Variants in ANGPT1 observed in about 807,000 individuals in gnomAD.
ANGPT1 encodes the protein angiopoietin 1, also known as angiopoietin-1.
ANGPT1 carries 17 observed loss-of-function variants against 62.2 expected under a neutral mutation model. The ratio of observed to expected loss-of-function variants is 0.27; its 90% confidence interval spans 0.19 to 0.41. ANGPT1 has a LOEUF of 0.41. ANGPT1 is among the 10% of genes least tolerant of loss of function. The probability of loss-of-function intolerance (pLI) is 1.00; values close to 1 mark genes in which losing one functional copy is unlikely to be tolerated. For missense variants in ANGPT1, 478 were observed against 594.9 expected (o/e 0.80, Z 2.04); for synonymous variants, 199 against 198.9 (o/e 1.00, Z 0.00).
chr8:107,332,186 T>C (rs1409100254), intron 3 of ANGPT1, among the ~76,000 whole-genome samples: 3 of 152,196 alleles, frequency 2.0e-5, no homozygotes, highest in Admixed American at 1.3e-4. Context: ...ACATTTTGTG[T>C]CCTACTTTGT....
At chr8:107,254,378 A>C (rs932909501) in intron 8 of ANGPT1, among the ~76,000 whole-genome samples, 1 of 152,054 alleles carries the variant, frequency 6.6e-6, no homozygotes, top group Non-Finnish European at 1.5e-5. Context: ...GAAACAGATG[A>C]ATATATGTAA....
intron 7 of ANGPT1, among the ~76,000 whole-genome samples, chr8:107,275,227 C>A (rs1294860001): frequency 3.3e-5 from 5 of 152,058 alleles, no homozygotes; most frequent in African/African-American, 1.2e-4. Flanking sequence ...AATATTGCCC[C>A]CAGAGGCCAT....
intron 1 of ANGPT1, among the ~76,000 whole-genome samples, chr8:107,471,177 A>C (rs1812347089): frequency 6.6e-6 from 1 of 152,186 alleles, no homozygotes; most frequent in Non-Finnish European, 1.5e-5. Context: ...TGGATAAAGA[A>C]AATGTGGCAC....
At chr8:107,412,612 A>C (rs2130358825) in intron 1 of ANGPT1, among the ~76,000 whole-genome samples, 1 of 152,322 alleles carries the variant, frequency 6.6e-6, no homozygotes. Context: ...TTAAATCCGC[A>C]TTGAGTATAT....
chr8:107,492,978 G>T (rs941568613), intron 1 of ANGPT1, among the ~76,000 whole-genome samples: 1 of 150,284 alleles, frequency 6.7e-6, no homozygotes, highest in Admixed American at 6.7e-5. Flanking sequence ...AAACATTATT[G>T]TACAAAGGAA....
Position 107,475,871 on chromosome 8 carries a change from C to A in ANGPT1, c.297+21391G>T, listed in dbSNP as rs769479409. Among the ~76,000 whole-genome samples the A allele has an allele frequency of 2.6e-5, 4 of 152,116 alleles. 1 individual carries two copies. The highest frequency in any genetic ancestry group is 2.0e-4 in the Admixed American group (3 of 15,272). On this transcript the variant is annotated intron_variant, in intron 1 of 8. Coordinates refer to ENST00000517746, the MANE Select transcript of ANGPT1 (RefSeq NM_001146.5). The stretch of plus-strand genomic sequence containing the variant: ...CACTGGCCATCAGAGAAATGCAAAT[C>A]GAAACCACAATGAGATACCATCTCA...
At chr8:107,467,576 A>C (rs971112765) in intron 1 of ANGPT1, among the ~76,000 whole-genome samples, 3 of 152,056 alleles carry the variant, frequency 2.0e-5, no homozygotes, top group African/African-American at 7.2e-5. Context: ...AATAAAGTCT[A>C]GGTTGAAATA....
At chr8:107,355,266 A>G (rs2445354) in intron 1 of ANGPT1, among the ~76,000 whole-genome samples, 34,608 of 151,738 alleles carry the variant, frequency 0.23, 4,848 homozygotes, top group African/African-American at 0.38. Flanking sequence ...CCCTACCAAT[A>G]TCACTTTATT....
At chr8:107,462,514 C>T (rs1159911361) in intron 1 of ANGPT1, among the ~76,000 whole-genome samples, 1 of 151,758 alleles carries the variant, frequency 6.6e-6, no homozygotes, top group South Asian at 2.1e-4. Context: ...AAGACCTTTA[C>T]AAGTGAGGTT....
intron 1 of ANGPT1, among the ~76,000 whole-genome samples, chr8:107,453,073 G>A (rs1336359039): frequency 2.0e-5 from 3 of 151,996 alleles, no homozygotes; most frequent in Non-Finnish European, 4.4e-5. Context: ...CCCAATGCTT[G>A]TAAAGATGCA....
rs149074732 is a variant in ANGPT1 at position 107,414,101 on chromosome 8, C to T, written c.298-67004G>A. Among the ~76,000 whole-genome samples the T allele has an allele frequency of 3.7e-3, 560 of 152,128 alleles. 4 individuals carry two copies. Among genetic ancestry groups the T allele is most frequent in the African/African-American group, 0.013 (527 of 41,492 alleles). On this transcript the variant is annotated intron_variant, in intron 1 of 8. Transcript: ENST00000517746. The stretch of plus-strand genomic sequence containing the variant: ...ATCCATGGGTATAGGGTTTATGATA[C>T]CTTGAACAGCATTAATCGTTCTGCT...
intron 1 of ANGPT1, among the ~76,000 whole-genome samples, chr8:107,420,088 T>C (rs1191221936): frequency 1.3e-5 from 2 of 152,194 alleles, no homozygotes; most frequent in Non-Finnish European, 2.9e-5. Context: ...CAGAAGCTTT[T>C]AGGATTTCTA....
At chr8:107,256,516 G>C (rs1419788339) in intron 8 of ANGPT1, among the ~76,000 whole-genome samples, 1 of 152,118 alleles carries the variant, frequency 6.6e-6, no homozygotes, top group Non-Finnish European at 1.5e-5. Context: ...GGTGATCATA[G>C]ATACTCAGTA....
At chr8:107,478,406 G>A (rs1162824662) in intron 1 of ANGPT1, among the ~76,000 whole-genome samples, 1 of 152,026 alleles carries the variant, frequency 6.6e-6, no homozygotes, top group Non-Finnish European at 1.5e-5. Context: ...AAAGTAGCTG[G>A]GTGTGGTGGT....
chr8:107,410,272 C>A (rs1425361523), intron 1 of ANGPT1, among the ~76,000 whole-genome samples: 1 of 152,226 alleles, frequency 6.6e-6, no homozygotes, highest in Admixed American at 6.5e-5. Flanking sequence ...TTTTAACGCT[C>A]TAACCCCATA....
chr8:107,387,591 C>T (rs1035813884), intron 1 of ANGPT1, among the ~76,000 whole-genome samples: 28 of 151,878 alleles, frequency 1.8e-4, no homozygotes, highest in Middle Eastern at 6.8e-3. Flanking sequence ...TACTATAGTA[C>T]GATCGTACTA....
intron 1 of ANGPT1, among the ~76,000 whole-genome samples, chr8:107,391,597 G>A (rs1049285244): frequency 2.0e-5 from 3 of 152,134 alleles, no homozygotes; most frequent in African/African-American, 7.2e-5. Flanking sequence ...AACCCGAGAG[G>A]CTGAGGTTGG....
intron 6 of ANGPT1, among the ~76,000 whole-genome samples, chr8:107,291,811 G>T (rs1814283218): frequency 6.9e-6 from 1 of 145,856 alleles, no homozygotes; most frequent in Non-Finnish European, 1.5e-5. Flanking sequence ...GTAGGAAGAG[G>T]CCTTCAAATC....
At chr8:107,464,944 A>G (rs1488162458) in intron 1 of ANGPT1, among the ~76,000 whole-genome samples, 1 of 152,120 alleles carries the variant, frequency 6.6e-6, no homozygotes, top group Non-Finnish European at 1.5e-5. Flanking sequence ...GGGGATCAAG[A>G]AGGTTTTCCA....
Sources: allele counts gnomAD v4.1 joint callset (sites outside exome capture counted in the v4.1 genomes callset), GRCh38; gene constraint gnomAD v4.1.1; transcripts MANE v1.5; gene names NCBI Gene and HGNC (gene_info 2026-07-23, HGNC 2026-07-21).